Variants in IPCEF1 observed in about 807,000 individuals in gnomAD.
IPCEF1 encodes interaction protein for cytohesin exchange factors 1.
IPCEF1 carries 31 observed loss-of-function variants against 50.9 expected under a neutral mutation model. That is an observed-to-expected ratio of 0.61 (90% CI 0.46 to 0.82). The LOEUF (loss-of-function observed/expected upper bound fraction) is 0.82. Ranked by LOEUF, IPCEF1 falls within the 40% of genes least tolerant of loss-of-function variation. The pLI is 0.00. For missense variants in IPCEF1, 458 were observed against 514.0 expected, an observed-to-expected ratio of 0.89 and a Z score of 1.05; for synonymous variants, 181 against 192.0, an observed-to-expected ratio of 0.94 and a Z score of 0.47.
chr6:154,174,474 A>C (rs1800137939), intron 10 of IPCEF1, among the ~76,000 whole-genome samples: 1 of 152,186 alleles, frequency 6.6e-6, no homozygotes, highest in Non-Finnish European at 1.5e-5. Context: ...GGAAGGAGGA[A>C]GATCTATCAA....
intron 10 of IPCEF1, among the ~76,000 whole-genome samples, chr6:154,174,009 G>A (rs9478512): frequency 2.0e-3 from 309 of 152,186 alleles, no homozygotes; most frequent in African/African-American, 6.8e-3. Context: ...GAGAGTGGGG[G>A]CCAATATTCA....
chr6:154,263,913 C>T (rs9371784), intron 3 of IPCEF1, among the ~76,000 whole-genome samples: 1 of 46,576 alleles, frequency 2.1e-5, no homozygotes, highest in Non-Finnish European at 4.9e-5. Context: ...GGCGGCTGGC[C>T]GGGCAGAGGG....
intron 10 of IPCEF1, among the ~76,000 whole-genome samples, chr6:154,182,683 T>C (rs145703076): frequency 6.6e-6 from 1 of 152,244 alleles, no homozygotes; most frequent in East Asian, 1.9e-4. Flanking sequence ...GAGAACAAAA[T>C]GGTAGCAGTG....
intron 1 of IPCEF1, among the ~76,000 whole-genome samples, chr6:154,322,234 A>T (rs1346019475): frequency 6.6e-6 from 1 of 152,118 alleles, no homozygotes; most frequent in Non-Finnish European, 1.5e-5. Flanking sequence ...GGCCACCTAC[A>T]GGCTGGGCAA....
intron 3 of IPCEF1, among the ~76,000 whole-genome samples, chr6:154,264,005 A>AT (rs1781683972): frequency 7.8e-6 from 1 of 128,336 alleles, no homozygotes; most frequent in African/African-American, 3.0e-5. Flanking sequence ...CGGGGGGCTG[A>AT]CCCCCCCCAC....
At chr6:154,295,894 TACACAC>T (rs564647829) in intron 1 of IPCEF1, among the ~76,000 whole-genome samples, 7 of 106,712 alleles carry the variant, frequency 6.6e-5, no homozygotes, top group African/African-American at 2.1e-4. Flanking sequence ...CACACATGCG[TACACAC>T]ACACACACAC....
At chr6:154,303,239 A>T (rs778922267) in intron 1 of IPCEF1, among the ~76,000 whole-genome samples, 7 of 151,808 alleles carry the variant, frequency 4.6e-5, no homozygotes, top group Non-Finnish European at 8.8e-5. Context: ...TTACAGGTGC[A>T]TACCACCACG....
chr6:154,187,161 C>T (rs887572365), intron 10 of IPCEF1, among the ~76,000 whole-genome samples: 1 of 152,098 alleles, frequency 6.6e-6, no homozygotes, highest in South Asian at 2.1e-4. Flanking sequence ...TCACCCTCTC[C>T]CCTCCATAGT....
chr6:154,236,016 A>T (rs1415626085), intron 5 of IPCEF1, among the ~76,000 whole-genome samples: 1 of 152,230 alleles, frequency 6.6e-6, no homozygotes, highest in Non-Finnish European at 1.5e-5. Context: ...AAAACAATTA[A>T]GATAGAACTA....
chr6:154,169,526 A>G (rs1264042782), intron 10 of IPCEF1, among the ~76,000 whole-genome samples: 1 of 152,216 alleles, frequency 6.6e-6, no homozygotes, highest in East Asian at 1.9e-4. Flanking sequence ...AATTATACAC[A>G]TGCTAAAGTT....
chr6:154,312,578 C>A (rs1280342154), intron 1 of IPCEF1, among the ~76,000 whole-genome samples: 1 of 152,034 alleles, frequency 6.6e-6, no homozygotes, highest in African/African-American at 2.4e-5. Context: ...GAACTCCTGA[C>A]CTCATGATCC....
At chr6:154,309,849 C>T (rs751126339) in intron 1 of IPCEF1, among the ~76,000 whole-genome samples, 4 of 151,770 alleles carry the variant, frequency 2.6e-5, no homozygotes, top group Non-Finnish European at 1.5e-5. Flanking sequence ...CTGCAACCTC[C>T]GCCTCCCCGG....
chr6:154,227,347 C>T (rs1348988910), intron 5 of IPCEF1, among the ~76,000 whole-genome samples: 1 of 152,170 alleles, frequency 6.6e-6, no homozygotes, highest in Non-Finnish European at 1.5e-5. Context: ...AAATCGATCT[C>T]AAATGATATA....
chr6:154,339,845 C>G (rs1015946315), intron 1 of IPCEF1, among the ~76,000 whole-genome samples: 14 of 152,250 alleles, frequency 9.2e-5, no homozygotes, highest in Admixed American at 6.5e-4. Flanking sequence ...CGAGCCACCC[C>G]CCTCACCTCC....
At chr6:154,259,142 A>C (rs1299103564) in intron 3 of IPCEF1, among the ~76,000 whole-genome samples, 1 of 152,230 alleles carries the variant, frequency 6.6e-6, no homozygotes, top group African/African-American at 2.4e-5. Flanking sequence ...ACTCCCAAAG[A>C]GGCACATCCA....
intron 1 of IPCEF1, among the ~76,000 whole-genome samples, chr6:154,333,986 A>C (rs1365012820): frequency 6.6e-6 from 1 of 152,188 alleles, no homozygotes; most frequent in Non-Finnish European, 1.5e-5. Flanking sequence ...ATAGCACTTC[A>C]TTATAGAGAA....
chr6:154,291,886 T>C (rs946561918), intron 1 of IPCEF1, among the ~76,000 whole-genome samples: 4 of 152,044 alleles, frequency 2.6e-5, no homozygotes, highest in African/African-American at 9.7e-5. Flanking sequence ...GGTTTCACCG[T>C]GTTAGCCAGG....
intron 1 of IPCEF1, among the ~76,000 whole-genome samples, chr6:154,330,835 A>T (rs17085299): frequency 6.6e-6 from 1 of 152,138 alleles, no homozygotes; most frequent in Non-Finnish European, 1.5e-5. Context: ...TTGACACAGC[A>T]TTTTCTACAG....
chr6:154,229,204 A>G (rs544224982), intron 5 of IPCEF1, among the ~76,000 whole-genome samples: 12 of 152,354 alleles, frequency 7.9e-5, no homozygotes, highest in African/African-American at 2.9e-4. Flanking sequence ...TGTTGTTCAT[A>G]CATATTATTT....
Sources: gnomAD v4.1 joint callset for allele counts (sites outside exome capture counted in the v4.1 genomes callset) on GRCh38, gnomAD v4.1.1 for gene constraint, MANE v1.5 for transcripts, NCBI Gene and HGNC (gene_info 2026-07-23, HGNC 2026-07-21) for gene names.